Variants in EFCAB11 observed in about 807,000 individuals in gnomAD.
EFCAB11 encodes EF-hand calcium binding domain 11.
A neutral mutation model predicts 23.0 loss-of-function variants in EFCAB11; 14 were observed. The observed-to-expected ratio is 0.61, with a 90% CI of 0.40 to 0.95. The LOEUF (loss-of-function observed/expected upper bound fraction) is 0.95, where lower values mean the gene tolerates loss of function less well. Among genes scored for constraint, EFCAB11 ranks in the 40% least tolerant of loss-of-function variants. EFCAB11 has a pLI of 0.00. For synonymous variants in EFCAB11, 65 were observed against 66.6 expected, an observed-to-expected ratio of 0.98 and a Z score of 0.11; for missense variants, 198 against 195.8, an observed-to-expected ratio of 1.01 and a Z score of -0.07.
chr14:89,913,445 T>C (rs1039046790), intron 5 of EFCAB11, among the ~76,000 whole-genome samples: 1 of 152,186 alleles, frequency 6.6e-6, no homozygotes, highest in Non-Finnish European at 1.5e-5. Flanking sequence ...ATACGTTTGT[T>C]TGACTTCCAT....
At chr14:89,862,741 G>A (rs1044063134) in intron 5 of EFCAB11, among the ~76,000 whole-genome samples, 8 of 152,170 alleles carry the variant, frequency 5.3e-5, no homozygotes, top group Non-Finnish European at 1.0e-4. Context: ...ACATGTTAAT[G>A]TATCATAGAT....
intron 5 of EFCAB11, among the ~76,000 whole-genome samples, chr14:89,846,620 T>C (rs369563370): frequency 6.6e-6 from 1 of 152,184 alleles, no homozygotes; most frequent in African/African-American, 2.4e-5. Flanking sequence ...AAGAATACCG[T>C]GCACAACTCC....
intron 5 of EFCAB11, among the ~76,000 whole-genome samples, chr14:89,851,021 CACTGAGCCAACAGTGTTCATCT>C (rs1887585853): frequency 6.6e-6 from 1 of 152,194 alleles, no homozygotes; most frequent in Non-Finnish European, 1.5e-5. Flanking sequence ...GTTGCTCATC[CACTGAGCCAACAGTGTTCATCT>C]ACCTTTAGTT....
intron 5 of EFCAB11, among the ~76,000 whole-genome samples, chr14:89,921,063 T>TAAAAA (rs199585363): frequency 9.0e-6 from 1 of 111,570 alleles, no homozygotes; most frequent in Non-Finnish European, 1.7e-5. Flanking sequence ...AGACTCTGTC[T>TAAAAA]AAAAAAAAAA....
At chr14:89,906,540 T>C (rs1260134830) in intron 5 of EFCAB11, among the ~76,000 whole-genome samples, 3 of 152,196 alleles carry the variant, frequency 2.0e-5, no homozygotes, top group Non-Finnish European at 1.5e-5. Flanking sequence ...CTACGGTTTT[T>C]CCTAAGAAAT....
At chr14:89,835,218 G>A (rs779542492) in intron 5 of EFCAB11, among the ~76,000 whole-genome samples, 6 of 152,208 alleles carry the variant, frequency 3.9e-5, no homozygotes, top group Admixed American at 3.3e-4. Flanking sequence ...AGGATGCCCG[G>A]AGGCAGAGGC....
At chr14:89,884,944 C>T (rs558591863) in intron 5 of EFCAB11, among the ~76,000 whole-genome samples, 26 of 152,310 alleles carry the variant, frequency 1.7e-4, no homozygotes, top group Non-Finnish European at 2.9e-4. Context: ...ATCTGCAAGC[C>T]AGGAAGAGCC....
intron 5 of EFCAB11, among the ~76,000 whole-genome samples, chr14:89,848,200 T>TA (rs1372135705): frequency 1.3e-5 from 2 of 152,210 alleles, no homozygotes; most frequent in Non-Finnish European, 2.9e-5. Flanking sequence ...AACTGAGGCT[T>TA]AGAGAATTAC....
At chr14:89,865,775 C>T (rs1566789142) in intron 5 of EFCAB11, among the ~76,000 whole-genome samples, 1 of 152,162 alleles carries the variant, frequency 6.6e-6, no homozygotes, top group South Asian at 2.1e-4. Context: ...TGGGATTCTC[C>T]TGCTTCAGAC....
chr14:89,875,373 A>G (rs1027270680), intron 5 of EFCAB11, among the ~76,000 whole-genome samples: 1 of 152,144 alleles, frequency 6.6e-6, no homozygotes, highest in Non-Finnish European at 1.5e-5. Context: ...TGAACCTACA[A>G]TTCAAGATGA....
intron 5 of EFCAB11, among the ~76,000 whole-genome samples, chr14:89,839,435 GT>G (rs1344520785): frequency 6.6e-6 from 1 of 152,112 alleles, no homozygotes; most frequent in African/African-American, 2.4e-5. Flanking sequence ...ATTAGCTGGT[GT>G]TGAGGTTGGA....
chr14:89,833,423 ACTC>A (rs1301750824), intron 5 of EFCAB11, among the ~76,000 whole-genome samples: 2 of 152,200 alleles, frequency 1.3e-5, no homozygotes, highest in Non-Finnish European at 2.9e-5. Flanking sequence ...CATAATATCC[ACTC>A]TAAGATTTCT....
intron 5 of EFCAB11, among the ~76,000 whole-genome samples, chr14:89,876,845 T>C (rs1042630710): frequency 1.4e-4 from 22 of 152,218 alleles, no homozygotes; most frequent in African/African-American, 4.6e-4. Context: ...CAACCAACAC[T>C]GAATGAAGAA....
At chr14:89,925,675 T>C (rs932018890) in intron 5 of EFCAB11, among the ~76,000 whole-genome samples, 3 of 149,690 alleles carry the variant, frequency 2.0e-5, no homozygotes, top group Admixed American at 2.0e-4. Context: ...AGATGGAGTC[T>C]TGCTCTGTCA....
intron 5 of EFCAB11, among the ~76,000 whole-genome samples, chr14:89,889,185 C>A (rs1888886206): frequency 6.6e-6 from 1 of 152,072 alleles, no homozygotes; most frequent in Non-Finnish European, 1.5e-5. Context: ...CAATTTCTTC[C>A]TTTTTTTGAC....
At chr14:89,865,956 C>T (rs985862739) in intron 5 of EFCAB11, among the ~76,000 whole-genome samples, 5 of 151,886 alleles carry the variant, frequency 3.3e-5, no homozygotes, top group African/African-American at 1.2e-4. Flanking sequence ...GTGTGAGCCA[C>T]AATGCCTGGC....
chr14:89,928,274 T>C (rs1226676345), intron 5 of EFCAB11, among the ~76,000 whole-genome samples: 1 of 152,290 alleles, frequency 6.6e-6, no homozygotes, highest in South Asian at 2.1e-4. Context: ...GGTTAAAGTA[T>C]AGAAATTTCT....
Position 89,844,370 on chromosome 14 carries a change from C to T in EFCAB11, c.411-47046G>A, listed in dbSNP as rs74080143. On this transcript the variant is annotated intron_variant, in intron 5 of 5. Transcript: ENST00000316738. ...TACGGTTTTCACTACTGTCTTCATG[C>T]TAAAATTGAATGAAATAATTCATAC... Among the ~76,000 whole-genome samples the T allele has an allele frequency of 1.4e-3, 211 of 152,278 alleles. 1 individual carries two copies. The highest frequency in any genetic ancestry group is 4.5e-3 in the African/African-American group (188 of 41,546).
intron 5 of EFCAB11, among the ~76,000 whole-genome samples, chr14:89,866,541 A>G (rs776722245): frequency 6.6e-6 from 1 of 152,204 alleles, no homozygotes; most frequent in Non-Finnish European, 1.5e-5. Context: ...AAAGGCACCA[A>G]GAGTGTTTCC....
Sources: allele counts gnomAD v4.1 joint callset (sites outside exome capture counted in the v4.1 genomes callset), GRCh38; gene constraint gnomAD v4.1.1; transcripts MANE v1.5; gene names NCBI Gene and HGNC (gene_info 2026-07-23, HGNC 2026-07-21).